RALYL: variants seen among roughly 807,000 people sequenced by gnomAD.
The protein encoded by RALYL is RALY RNA binding protein like, also known as RNA-binding Raly-like protein.
A neutral mutation model predicts 35.1 loss-of-function variants in RALYL; 29 were observed. The ratio of observed to expected loss-of-function variants is 0.83; its 90% CI spans 0.61 to 1.13. RALYL has a LOEUF of 1.13. RALYL is among the 50% of genes most tolerant of loss of function. The pLI, the probability that RALYL is intolerant of heterozygous loss-of-function variation, is 0.00. For missense variants in RALYL, 359 were observed against 360.4 expected, an observed-to-expected ratio of 1.00 and a Z score of 0.03; for synonymous variants, 120 against 127.6, an observed-to-expected ratio of 0.94 and a Z score of 0.40.
At chr8:84,736,202 G>A (rs1847285294) in intron 2 of RALYL, among the ~76,000 whole-genome samples, 1 of 152,104 alleles carries the variant, frequency 6.6e-6, no homozygotes, top group Admixed American at 6.6e-5. Flanking sequence ...AATTAATGCT[G>A]TTTTCAAAGA....
At chr8:84,796,283 C>T (rs1821891998) in intron 3 of RALYL, among the ~76,000 whole-genome samples, 1 of 152,174 alleles carries the variant, frequency 6.6e-6, no homozygotes, top group Admixed American at 6.5e-5. Context: ...CATCTTGGCC[C>T]AGGCCAGCCA....
At chr8:84,462,968 A>C (rs1009872843) in intron 1 of RALYL, among the ~76,000 whole-genome samples, 1 of 151,886 alleles carries the variant, frequency 6.6e-6, no homozygotes, top group African/African-American at 2.4e-5. Flanking sequence ...TTAAGCACCC[A>C]TTTTTAAACA....
chr8:84,439,829 C>G lies in RALYL; in HGVS notation c.-23-89470C>G, dbSNP rs1379517209. On this transcript the variant is annotated intron_variant, in intron 1 of 8. Coordinates refer to ENST00000521268, the MANE Select transcript of RALYL (RefSeq NM_173848.7). Reference sequence around the variant, plus strand: ...TGTAAGTGTGTTAATACTTAGATTTCTTTATAATTAAAAAATTATTTGATT... The same window carrying G: ...TGTAAGTGTGTTAATACTTAGATTTGTTTATAATTAAAAAATTATTTGATT... Among the ~76,000 whole-genome samples the G allele has an allele frequency of 3.3e-5, 5 of 151,942 alleles. No homozygotes were observed. In the South Asian group the frequency reaches 1.0e-3, roughly 31 times the overall value.
intron 1 of RALYL, among the ~76,000 whole-genome samples, chr8:84,312,039 C>T (rs1019672726): frequency 6.6e-6 from 1 of 152,190 alleles, no homozygotes; most frequent in Non-Finnish European, 1.5e-5. Flanking sequence ...CACAATTCTG[C>T]ATGGCTGGGG....
intron 1 of RALYL, among the ~76,000 whole-genome samples, chr8:84,214,486 A>C (rs1409935702): frequency 6.6e-6 from 1 of 152,142 alleles, no homozygotes; most frequent in Non-Finnish European, 1.5e-5. Context: ...ATTTACTAAA[A>C]ATTCTATTTA....
At chr8:84,699,898 G>A (rs541830002) in intron 2 of RALYL, among the ~76,000 whole-genome samples, 12 of 152,180 alleles carry the variant, frequency 7.9e-5, no homozygotes, top group African/African-American at 2.6e-4. Flanking sequence ...ATATTGAAGG[G>A]AGGTGAATTA....
chr8:84,234,928 C>A (rs1826173944), intron 1 of RALYL, among the ~76,000 whole-genome samples: 1 of 151,914 alleles, frequency 6.6e-6, no homozygotes, highest in Non-Finnish European at 1.5e-5. Context: ...CCATGCCCGG[C>A]TAATTTTTGT....
intron 1 of RALYL, among the ~76,000 whole-genome samples, chr8:84,265,708 G>T (rs1833167029): frequency 1.3e-5 from 2 of 148,776 alleles, no homozygotes; most frequent in Admixed American, 6.6e-5. Flanking sequence ...TGGTTAATTT[G>T]CAATAGCAGC....
At chr8:84,465,231 A>T (rs1414977298) in intron 1 of RALYL, among the ~76,000 whole-genome samples, 31 of 125,410 alleles carry the variant, frequency 2.5e-4, no homozygotes, top group African/African-American at 4.6e-4. Context: ...CTATGTCCTG[A>T]ATGGTAATGC....
chr8:84,900,446 G>A (rs2135551965), intron 8 of RALYL, among the ~76,000 whole-genome samples: 1 of 152,232 alleles, frequency 6.6e-6, no homozygotes, highest in Non-Finnish European at 1.5e-5. Context: ...GAAGGCCGAG[G>A]CAGGCAGATC....
intron 2 of RALYL, among the ~76,000 whole-genome samples, chr8:84,617,181 G>T (rs1315076562): frequency 7.3e-5 from 11 of 150,776 alleles, no homozygotes; most frequent in Non-Finnish European, 1.0e-4. Flanking sequence ...ATTACCTTGG[G>T]CAGTATGGCC....
At chr8:84,918,115 T>C (rs1443692381) in intron 8 of RALYL, among the ~76,000 whole-genome samples, 1 of 151,990 alleles carries the variant, frequency 6.6e-6, no homozygotes, top group Non-Finnish European at 1.5e-5. Context: ...TTATATATGC[T>C]CCCTAAAAAT....
intron 1 of RALYL, among the ~76,000 whole-genome samples, chr8:84,227,905 A>T (rs1824333473): frequency 6.6e-6 from 1 of 152,122 alleles, no homozygotes; most frequent in African/African-American, 2.4e-5. Context: ...CCAAATATTG[A>T]TCAAAAACTA....
intron 1 of RALYL, among the ~76,000 whole-genome samples, chr8:84,383,345 A>G (rs982177159): frequency 6.6e-6 from 1 of 151,760 alleles, no homozygotes. Flanking sequence ...GTGACAGTTG[A>G]GTAAAGCTTA....
intron 8 of RALYL, among the ~76,000 whole-genome samples, chr8:84,900,713 G>A (rs1425560707): frequency 6.6e-6 from 1 of 151,962 alleles, no homozygotes; most frequent in Non-Finnish European, 1.5e-5. Flanking sequence ...CAATATAGTA[G>A]GAAAACAAAA....
chr8:84,514,112 A>AG (rs1376004639), intron 1 of RALYL, among the ~76,000 whole-genome samples: 2 of 140,038 alleles, frequency 1.4e-5, no homozygotes, highest in South Asian at 2.5e-4. Flanking sequence ...AAAAAAAAAA[A>AG]AAAGAAAGAA....
At chr8:84,651,592 T>C (rs979281073) in intron 2 of RALYL, among the ~76,000 whole-genome samples, 1 of 151,978 alleles carries the variant, frequency 6.6e-6, no homozygotes, top group Non-Finnish European at 1.5e-5. Flanking sequence ...GTTTAAAGTG[T>C]CAAAAATAAG....
chr8:84,466,619 C>G (rs1175191299), intron 1 of RALYL, among the ~76,000 whole-genome samples: 5 of 150,216 alleles, frequency 3.3e-5, no homozygotes, highest in African/African-American at 1.2e-4. Flanking sequence ...TTTGTTGTGT[C>G]TCTGCCTGGC....
chr8:84,326,173 TAAC>T (rs538933529), intron 1 of RALYL, among the ~76,000 whole-genome samples: 44 of 152,308 alleles, frequency 2.9e-4, no homozygotes, highest in Admixed American at 1.8e-3. Context: ...TATTCACTAT[TAAC>T]AATAAAATAT....
Sources: gnomAD v4.1 joint callset for allele counts (sites outside exome capture counted in the v4.1 genomes callset) on GRCh38, gnomAD v4.1.1 for gene constraint, MANE v1.5 for transcripts, NCBI Gene and HGNC (gene_info 2026-07-23, HGNC 2026-07-21) for gene names.